Variants in DMXL1 observed in about 807,000 individuals in gnomAD.
DMXL1 encodes the protein dmX-like protein 1.
A neutral mutation model predicts 319.2 loss-of-function variants in DMXL1; 99 were observed. That is an observed-to-expected ratio of 0.31 (90% CI 0.26 to 0.37). The LOEUF is 0.37. Ranked by LOEUF, DMXL1 falls within the 10% of genes least tolerant of loss-of-function variation. The pLI, the probability that DMXL1 is intolerant of heterozygous loss-of-function variation, is 1.00. For synonymous variants in DMXL1, 1,385 were observed against 1,235.2 expected (o/e 1.12, Z -2.54); for missense variants, 3,745 against 3,595.6 (o/e 1.04, Z -1.06).
intron 13 of DMXL1, among the ~76,000 whole-genome samples, chr5:119,142,845 A>G (rs1223023687): frequency 1.3e-5 from 2 of 152,156 alleles, no homozygotes. Flanking sequence ...ATGATGGAAT[A>G]CTGTGCAGCC....
chr5:119,116,120 A>G, intron 6 of DMXL1, 38 bp from the exon 7 acceptor site: 1 of 1,549,090 alleles, frequency 6.5e-7, no homozygotes, highest in Non-Finnish European at 8.7e-7. Context: ...TTTAATTCTG[A>G]TCTCCATGAT....
chr5:119,120,884 T>C, intron 8 of DMXL1, 87 bp from the exon 9 acceptor site: 2 of 1,066,544 alleles, frequency 1.9e-6, no homozygotes, highest in Non-Finnish European at 2.6e-6. Flanking sequence ...TGAGCTAGGA[T>C]ATATGTAACT....
intron 9 of DMXL1, among the ~76,000 whole-genome samples, chr5:119,125,129 T>C (rs1178814693): frequency 6.6e-6 from 1 of 152,238 alleles, no homozygotes; most frequent in Non-Finnish European, 1.5e-5. Flanking sequence ...GTTGGAAGTC[T>C]TCTTTTACAT....
intron 37 of DMXL1, among the ~76,000 whole-genome samples, chr5:119,222,370 C>T (rs576846586): frequency 6.6e-6 from 1 of 152,020 alleles, no homozygotes; most frequent in African/African-American, 2.4e-5. Flanking sequence ...ACTTGAAAAG[C>T]AATCTAGTAA....
At chr5:119,246,687 G>A (rs986654421) in intron 43 of DMXL1, among the ~76,000 whole-genome samples, 6 of 139,180 alleles carry the variant, frequency 4.3e-5, no homozygotes, top group Admixed American at 7.8e-5. Flanking sequence ...AGGCTGGAGC[G>A]CAATGGTGTG....
Position 119,091,077 on chromosome 5 carries a change from A to T in DMXL1, c.88-6902A>T, listed in dbSNP as rs1378735751. On this transcript the variant is annotated intron_variant, in intron 1 of 43. Coordinates refer to ENST00000539542, the MANE Select transcript of DMXL1 (RefSeq NM_001290321.3). ...TGAATTGCTTTTTGTCTTATCTTAG[A>T]GATGACTGAATAGTTGTTTCCTTAA... Among the ~76,000 whole-genome samples the T allele has an allele frequency of 2.0e-5, 3 of 152,294 alleles. No individual in the cohort carries two copies. The South Asian group carries it at 6.2e-4, about 32-fold the overall frequency.
chr5:119,144,330 A>G (rs533459803), intron 14 of DMXL1, among the ~76,000 whole-genome samples: 31 of 151,980 alleles, frequency 2.0e-4, no homozygotes, highest in African/African-American at 7.5e-4. Context: ...ATAAAGACTC[A>G]TTGTAATGAA....
At chr5:119,135,681 T>C (rs1459204206) in intron 13 of DMXL1, among the ~76,000 whole-genome samples, 1 of 152,160 alleles carries the variant, frequency 6.6e-6, no homozygotes, top group East Asian at 1.9e-4. Context: ...GATCTGATGA[T>C]CTTAAAAGTG....
At chr5:119,185,170 C>T (rs1777488708) in intron 28 of DMXL1, among the ~76,000 whole-genome samples, 1 of 151,954 alleles carries the variant, frequency 6.6e-6, no homozygotes, top group African/African-American at 2.4e-5. Flanking sequence ...TCTCCTTTCC[C>T]TCTACTTCTT....
intron 1 of DMXL1, among the ~76,000 whole-genome samples, chr5:119,088,359 C>G (rs1207455583): frequency 1.3e-5 from 2 of 152,078 alleles, no homozygotes; most frequent in Non-Finnish European, 2.9e-5. Flanking sequence ...AGGTGGGTTT[C>G]TTGTGGGCAG....
intron 38 of DMXL1, among the ~76,000 whole-genome samples, chr5:119,225,089 G>C (rs980379293): frequency 3.3e-5 from 5 of 151,702 alleles, no homozygotes; most frequent in African/African-American, 1.2e-4. Flanking sequence ...GAACATTTCT[G>C]GATTTCTTTG....
At chr5:119,234,558 A>G (rs917883091) in intron 39 of DMXL1, among the ~76,000 whole-genome samples, 2 of 152,146 alleles carry the variant, frequency 1.3e-5, no homozygotes, top group African/African-American at 2.4e-5. Context: ...TTGTGAAACA[A>G]AATTTTGAGA....
intron 9 of DMXL1, among the ~76,000 whole-genome samples, chr5:119,123,110 G>A (rs547123454): frequency 2.0e-5 from 3 of 152,076 alleles, no homozygotes; most frequent in African/African-American, 4.8e-5. Flanking sequence ...AGACCGGCCC[G>A]GCCAACACAG....
At chr5:119,089,249 C>T (rs1327301144) in intron 1 of DMXL1, among the ~76,000 whole-genome samples, 1 of 123,790 alleles carries the variant, frequency 8.1e-6, no homozygotes, top group African/African-American at 3.0e-5. Context: ...CAAATTGGAG[C>T]TCCATTATAT....
Position 119,122,806 on chromosome 5 carries a change from C to A in DMXL1, c.1102+1667C>A, listed in dbSNP as rs575185343. Among the ~76,000 whole-genome samples, 14 of 151,238 alleles carry A rather than the reference C, an allele frequency of 9.3e-5. No individual in the cohort carries two copies. In the East Asian group the frequency reaches 2.5e-3, roughly 27 times the overall value. On this transcript the variant is annotated intron_variant, in intron 9 of 43. Transcript: ENST00000539542. ...GGGATGGCGGCCGGGCAGAGATGCT[C>A]CTCACTTTCCAGACTGGGCAGCCAG...
chr5:119,195,320 C>T (rs1207632809), intron 30 of DMXL1, among the ~76,000 whole-genome samples: 2 of 152,148 alleles, frequency 1.3e-5, no homozygotes, highest in African/African-American at 4.8e-5. Context: ...GCATTATTTA[C>T]AGTAACTGAG....
chr5:119,245,449 A>G (rs961457387), intron 43 of DMXL1, among the ~76,000 whole-genome samples: 1 of 152,048 alleles, frequency 6.6e-6, no homozygotes, highest in East Asian at 1.9e-4. Flanking sequence ...TCAAATATAT[A>G]TATACCAACA....
At position 119,133,653 on chromosome 5, in the gene DMXL1, A is replaced by G. The variant is rs1765403850; in HGVS notation, c.1729A>G (p.Ile577Val). The G allele has an allele frequency of 6.2e-7, 1 of 1,614,162 alleles. No individual in the cohort carries two copies. Residue 577 changes from isoleucine (I) to valine (V), a missense_variant, in exon 12 of 44, where the codon ATT (isoleucine) becomes GTT (valine). Coordinates refer to ENST00000539542, the MANE Select transcript of DMXL1 (RefSeq NM_001290321.3). ...CCTCACCCGTTCCACATCAATGCTT[A>G]TTTCTTCTGGTCACAATAAATCATC... ...SGLTRSTSML[I>V]SSGHNKSSNS...
chr5:119,200,657 G>A (rs906305051), intron 32 of DMXL1, among the ~76,000 whole-genome samples: 3 of 152,078 alleles, frequency 2.0e-5, no homozygotes, highest in Non-Finnish European at 2.9e-5. Context: ...AAATTGCTTT[G>A]GGCAATATGG....
Sources: allele counts gnomAD v4.1 joint callset (sites outside exome capture counted in the v4.1 genomes callset), GRCh38; gene constraint gnomAD v4.1.1; transcripts MANE v1.5; gene names NCBI Gene and HGNC (gene_info 2026-07-23, HGNC 2026-07-21).